The following BANP variants were observed in gnomAD, a reference collection of about 807,000 sequenced individuals.
The protein encoded by BANP is BTG3 associated nuclear protein.
BANP carries 11 observed loss-of-function variants against 68.1 expected under a neutral mutation model. That is an observed-to-expected ratio of 0.16 (90% CI 0.10 to 0.27). The LOEUF is 0.27. Ranked by LOEUF, BANP falls within the 10% of genes least tolerant of loss-of-function variation. BANP has a pLI of 1.00. For synonymous variants in BANP, 329 were observed against 303.2 expected (o/e 1.09, Z -0.88); for missense variants, 504 against 722.7 (o/e 0.70, Z 3.47).
At chr16:88,067,405 C>G (rs756707284) in intron 12 of BANP, among the ~76,000 whole-genome samples, 9 of 152,228 alleles carry the variant, frequency 5.9e-5, no homozygotes, top group Non-Finnish European at 1.2e-4. Context: ...AGGGAGGAGA[C>G]TCGAGCTGGA....
rs1396476842 is a variant in BANP at position 87,964,429 on chromosome 16, G to A, written c.-68-10619G>A. 3.4e-5 allele frequency among the ~76,000 whole-genome samples: 5 copies of A among 147,004 alleles called. No homozygotes were observed. The South Asian group carries it at 6.4e-4, about 19-fold the overall frequency. Reference sequence around the variant, plus strand: ...GGCTGCTGTGCACGTCACCGTTGCCGAGGCGTCCAGGAGGCGTGCAGGAGG... The same window carrying A: ...GGCTGCTGTGCACGTCACCGTTGCCAAGGCGTCCAGGAGGCGTGCAGGAGG... On this transcript the variant is annotated intron_variant, in intron 1 of 13. Coordinates refer to ENST00000682872, the MANE Select transcript of BANP (RefSeq NM_001386991.1).
In BANP at chr16:88,027,620, A is replaced by G. The variant is rs1199498653; in HGVS notation, c.1033A>G (p.Thr345Ala). The G allele has an allele frequency of 3.1e-6, 5 of 1,613,688 alleles. No individual in the cohort carries two copies. The Admixed American group carries it at 8.3e-5, about 27-fold the overall frequency. The change falls in exon 8 of 14, where the codon ACG (threonine) becomes GCG (alanine). Residue 345 changes from threonine to alanine, a missense_variant. Around this residue, in one of 3 missense-constraint regions of BANP, gnomAD observed 223 missense variants for 246.2 expected, o/e 0.91. Coordinates refer to ENST00000682872, the MANE Select transcript of BANP (RefSeq NM_001386991.1). ...SLAVKSFSRR[T>A]PNSSSYCPSE... ...GGCGGTCAAGAGCTTCTCGCGGAGA[A>G]CGCCCAACTCGTCCTCCTACTGCCC...
At chr16:87,984,291 G>A (rs539595280) in intron 4 of BANP, 32 bp downstream of exon 4, 1 of 1,528,254 alleles carries the variant, frequency 6.5e-7, no homozygotes, top group Admixed American at 2.1e-5. Flanking sequence ...GGGGCCTTCA[G>A]GTCACTTGGG....
intron 7 of BANP, among the ~76,000 whole-genome samples, chr16:88,020,697 C>G (rs7498447): frequency 0.017 from 2,555 of 152,216 alleles, 63 homozygotes; most frequent in African/African-American, 0.055. Context: ...GGGGCTGGGC[C>G]CTGTTCCCAG....
chr16:88,069,556 G>A (rs1200761211), intron 12 of BANP, among the ~76,000 whole-genome samples: 1 of 152,122 alleles, frequency 6.6e-6, no homozygotes, highest in East Asian at 1.9e-4. Flanking sequence ...GAGTGCCTCG[G>A]GGACCCAGGT....
intron 4 of BANP, among the ~76,000 whole-genome samples, chr16:88,001,526 T>A (rs921985925): frequency 1.9e-4 from 29 of 152,216 alleles, no homozygotes; most frequent in African/African-American, 7.0e-4. Flanking sequence ...TTCCATAATT[T>A]AAAAAAAGTA....
In BANP at chr16:88,057,754, C is replaced by CGGGGGGGGGGGGGGGGGGGGGGGGG. The variant is rs149539391; in HGVS notation, c.1312-7502_1312-7501insGGGGGGGGGGGGGGGGGGGGGGGGG. On this transcript the variant is annotated intron_variant, in intron 11 of 13. Transcript: ENST00000682872. The surrounding 1 kb of genome is among the most constrained non-coding windows in gnomAD (Gnocchi z 4.6). ...AGATGGCGGGGCCATCTGGGTGGGG[C>CGGGGGGGGGGGGGGGGGGGGGGGGG]GGGGGGGGGGGTGCGTGCAGTGACT... Among the ~76,000 whole-genome samples the CGGGGGGGGGGGGGGGGGGGGGGGGG allele has an allele frequency of 8.7e-6, 1 of 114,766 alleles. No individual in the cohort carries two copies. Among genetic ancestry groups the CGGGGGGGGGGGGGGGGGGGGGGGGG allele is most frequent in the Admixed American group, 8.6e-5 (1 of 11,568 alleles). 75.3% of individuals were successfully genotyped at this position (114,766 alleles called of 152,430 possible).
At chr16:87,977,725 C>G (rs756366782) in intron 2 of BANP, among the ~76,000 whole-genome samples, 4 of 152,336 alleles carry the variant, frequency 2.6e-5, no homozygotes, top group East Asian at 3.9e-4. Context: ...AAAAGAAAGA[C>G]TTCTAGGATC....
chr16:88,003,725 C>A lies in BANP; in HGVS notation c.363-570C>A. ...AGAACCCTGAGCCCTTTGGTTGTAG[C>A]TCACACATGTTCCTGCAGGACCTGG... On this transcript the variant is annotated intron_variant, in intron 4 of 13. Coordinates refer to ENST00000682872, the MANE Select transcript of BANP (RefSeq NM_001386991.1). The surrounding 1 kb of genome is among the most constrained non-coding windows in gnomAD (Gnocchi z 6.1). 1 of 340,044 alleles carries A rather than the reference C, an allele frequency of 2.9e-6. No individual in the cohort carries two copies. Among genetic ancestry groups the A allele is most frequent in the South Asian group, 2.3e-5 (1 of 43,828 alleles). The allele number at this position is 340,044 out of a possible 1,614,324, so 21.1% of individuals were successfully genotyped here.
intron 8 of BANP, among the ~76,000 whole-genome samples, chr16:88,028,790 G>A (rs1346629876): frequency 6.6e-6 from 1 of 152,200 alleles, no homozygotes; most frequent in Non-Finnish European, 1.5e-5. Flanking sequence ...TCATAGCTAG[G>A]CAGCAGAGAG....
At position 88,036,961 on chromosome 16, in the gene BANP, C is replaced by T. The variant is rs777303458; in HGVS notation, c.1273-1012C>T. Among the ~76,000 whole-genome samples, 24 of 152,128 alleles carry T rather than the reference C, an allele frequency of 1.6e-4. No homozygotes were observed. Among genetic ancestry groups the T allele is most frequent in the Admixed American group, 3.9e-4 (6 of 15,276 alleles). Reference sequence around the variant, plus strand: ...AGGTGCAGGATCCCAGCAGCACCTTCCAGTGCAGGAGCTGCCTTTGAGGGG... The same window carrying T: ...AGGTGCAGGATCCCAGCAGCACCTTTCAGTGCAGGAGCTGCCTTTGAGGGG... On this transcript the variant is annotated intron_variant, in intron 10 of 13. Transcript: ENST00000682872. The surrounding 1 kb of genome is among the most constrained non-coding windows in gnomAD (Gnocchi z 4.2).
intron 4 of BANP, among the ~76,000 whole-genome samples, chr16:87,995,741 G>A (rs1320968749): frequency 1.3e-5 from 2 of 152,238 alleles, no homozygotes; most frequent in Non-Finnish European, 2.9e-5. Context: ...GTAGAAAACA[G>A]CCAGATACTG....
chr16:88,019,738 A>ATCTCAGCGTGCG, intron 7 of BANP, among the ~76,000 whole-genome samples: 1 of 127,986 alleles, frequency 7.8e-6, no homozygotes, highest in Non-Finnish European at 1.7e-5. Context: ...CTCAGCGTGC[A>ATCTCAGCGTGCG]GGGCCAGCTG....
intron 8 of BANP, among the ~76,000 whole-genome samples, chr16:88,028,718 T>C (rs2077495708): frequency 6.6e-6 from 1 of 152,260 alleles, no homozygotes; most frequent in Non-Finnish European, 1.5e-5. Flanking sequence ...CAGCGTAACC[T>C]GTGGCTATTG....
chr16:88,074,069 T>C (rs2091061670), intron 13 of BANP, among the ~76,000 whole-genome samples: 2 of 152,212 alleles, frequency 1.3e-5, no homozygotes. Flanking sequence ...AGGGCCCAGC[T>C]CTCTGCCTTA....
At chr16:87,995,191 C>T (rs2066858683) in intron 4 of BANP, among the ~76,000 whole-genome samples, 1 of 152,262 alleles carries the variant, frequency 6.6e-6, no homozygotes, top group Non-Finnish European at 1.5e-5. Flanking sequence ...TTGGGAAATG[C>T]AGTCTGGATG....
At chr16:87,977,719 G>T (rs2062446521) in intron 2 of BANP, among the ~76,000 whole-genome samples, 1 of 152,198 alleles carries the variant, frequency 6.6e-6, no homozygotes. Flanking sequence ...TTATTTAAAA[G>T]AAAGACTTCT....
intron 5 of BANP, among the ~76,000 whole-genome samples, chr16:88,005,228 G>A (rs1428159683): frequency 1.3e-5 from 2 of 152,170 alleles, no homozygotes; most frequent in Non-Finnish European, 2.9e-5. Flanking sequence ...TGCCTCAGGG[G>A]CTTTGCACTG....
rs373586959 is a variant in BANP, at chr16:88,017,497, T to A, written c.656-931T>A. The A allele has an allele frequency of 2.6e-5, 4 of 152,266 alleles. No individual in the cohort carries two copies. In the East Asian group the frequency reaches 7.7e-4, roughly 29 times the overall value. The allele number at this position is 152,266 out of a possible 1,614,324, so 9.4% of individuals were successfully genotyped here. A position where few individuals can be genotyped will look rare whatever the true frequency, so the allele number is the denominator to read the frequency against. On this transcript the variant is annotated intron_variant, in intron 6 of 13. Coordinates refer to ENST00000682872, the MANE Select transcript of BANP (RefSeq NM_001386991.1). ...AAGGCAGCCTTTCACATACCGTACTTGGTCAACCTGAGGACAACCCGGAGA... is the reference window on the plus strand; with the variant it reads ...AAGGCAGCCTTTCACATACCGTACTAGGTCAACCTGAGGACAACCCGGAGA...
Sources: allele counts gnomAD v4.1 joint callset (sites outside exome capture counted in the v4.1 genomes callset), GRCh38; gene constraint gnomAD v4.1.1; regional missense constraint gnomAD v4.1.1; non-coding constraint Gnocchi (gnomAD v3.1); transcripts MANE v1.5; gene names NCBI Gene and HGNC (gene_info 2026-07-23, HGNC 2026-07-21).